HIPK2: variants seen among roughly 807,000 people sequenced by gnomAD.
The protein encoded by HIPK2 is homeodomain interacting protein kinase 2.
HIPK2 carries 27 observed loss-of-function variants against 113.7 expected under a neutral mutation model. The observed-to-expected ratio is 0.24, with a 90% CI of 0.17 to 0.33. HIPK2 has a LOEUF of 0.33. HIPK2 is among the 10% of genes least tolerant of loss of function. The probability of loss-of-function intolerance (pLI) is 1.00; values close to 1 mark genes in which losing one functional copy is unlikely to be tolerated. For synonymous variants in HIPK2, 631 were observed against 642.2 expected (o/e 0.98, Z 0.26); for missense variants, 1,257 against 1,588.0 (o/e 0.79, Z 3.54).
chr7:139,572,904 C>T lies in HIPK2; in HGVS notation c.*23G>A, dbSNP rs1798344180. On this transcript the variant is annotated 3_prime_UTR_variant, in exon 15 of 15. Coordinates refer to ENST00000406875, the MANE Select transcript of HIPK2 (RefSeq NM_022740.5). ...CCTCGGGCCATTCTCTCCCTCCCTC[C>T]CTCCCTCCCTCCCCTCCAGTGTTTA... 4 of 403,058 alleles carry T rather than the reference C, an allele frequency of 9.9e-6. No homozygotes were observed. Among genetic ancestry groups the T allele is most frequent in the South Asian group, 2.0e-5 (1 of 49,746 alleles). The allele number at this position is 403,058 out of a possible 1,614,324, so 25.0% of individuals were successfully genotyped here.
At chr7:139,711,439 GTTAGATTATTCTGAAAA>G (rs756242884) in intron 2 of HIPK2, among the ~76,000 whole-genome samples, 4 of 152,054 alleles carry the variant, frequency 2.6e-5, no homozygotes, top group Admixed American at 6.6e-5. Context: ...AAAAAAAAAG[GTTAGATTATTCTGAAAA>G]AGTGGATTAT....
At chr7:139,638,744 A>G (rs1252833240) in intron 2 of HIPK2, among the ~76,000 whole-genome samples, 1 of 136,542 alleles carries the variant, frequency 7.3e-6, no homozygotes, top group Admixed American at 8.3e-5. Context: ...TGCCAGCTCC[A>G]CCTCCCGGGT....
At chr7:139,595,142 T>C (rs1410413012) in intron 12 of HIPK2, among the ~76,000 whole-genome samples, 1 of 152,210 alleles carries the variant, frequency 6.6e-6, no homozygotes, top group Non-Finnish European at 1.5e-5. Context: ...GATTCCAATC[T>C]AGCTGATTGT....
intron 2 of HIPK2, among the ~76,000 whole-genome samples, chr7:139,662,950 G>T (rs1286822082): frequency 1.3e-5 from 2 of 152,128 alleles, no homozygotes; most frequent in Admixed American, 1.3e-4. Flanking sequence ...TTGCCCTGCT[G>T]TTCAGACATT....
chr7:139,690,569 G>T (rs190518022), intron 2 of HIPK2, among the ~76,000 whole-genome samples: 2 of 152,084 alleles, frequency 1.3e-5, no homozygotes, highest in African/African-American at 4.8e-5. Context: ...ACTTTGGGGT[G>T]GGGGGCCAAG....
chr7:139,748,953 A>T (rs1357134489), intron 1 of HIPK2, among the ~76,000 whole-genome samples: 1 of 152,206 alleles, frequency 6.6e-6, no homozygotes, highest in East Asian at 1.9e-4. Context: ...CTAACACCAC[A>T]TGAGGCTATT....
chr7:139,569,655 A>G lies in HIPK2; in HGVS notation c.*3272T>C, dbSNP rs1315503260. The G allele has an allele frequency of 6.6e-6, 1 of 151,946 alleles. No homozygotes were observed. The highest frequency in any genetic ancestry group is 1.5e-5 in the Non-Finnish European group (1 of 67,978). The allele number at this position is 151,946 out of a possible 1,614,324, so 9.4% of individuals were successfully genotyped here. A position where few individuals can be genotyped will look rare whatever the true frequency, so the allele number is the denominator to read the frequency against. ...AATCAAGGCTTTGATTCTTCTTTAA[A>G]CTTTTGTTCTGTGGTGGATCTTTCT... On this transcript the variant is annotated 3_prime_UTR_variant, in exon 15 of 15. Transcript: ENST00000406875.
At chr7:139,777,550 G>T in intron 1 of HIPK2, 55 bp downstream of exon 1, 1 of 865,356 alleles carries the variant, frequency 1.2e-6, no homozygotes, top group Non-Finnish European at 1.4e-6. Flanking sequence ...GAACAAAGCT[G>T]CGGGGGCCGC....
intron 2 of HIPK2, among the ~76,000 whole-genome samples, chr7:139,651,950 C>CT (rs1254941209): frequency 6.6e-6 from 1 of 152,218 alleles, no homozygotes; most frequent in Non-Finnish European, 1.5e-5. Context: ...GCTTTCTACT[C>CT]TAACAATTAT....
intron 2 of HIPK2, among the ~76,000 whole-genome samples, chr7:139,651,075 G>A (rs899731524): frequency 4.6e-5 from 7 of 152,248 alleles, no homozygotes; most frequent in Non-Finnish European, 1.0e-4. Context: ...TAAGAGGGGA[G>A]GGAGCACGCA....
intron 11 of HIPK2, 145 bp from the exon 12 acceptor site, chr7:139,597,143 T>G: frequency 1.2e-6 from 1 of 832,106 alleles, no homozygotes; most frequent in Non-Finnish European, 1.8e-6. Context: ...CATCTGTGAC[T>G]GGGAAAGGGA....
At chr7:139,580,377 T>A (rs1028098484) in intron 13 of HIPK2, among the ~76,000 whole-genome samples, 1 of 152,086 alleles carries the variant, frequency 6.6e-6, no homozygotes, top group South Asian at 2.1e-4. Context: ...CTTGCCAAGC[T>A]CTCAGAGGAC....
At chr7:139,668,165 T>A (rs1385120321) in intron 2 of HIPK2, among the ~76,000 whole-genome samples, 1 of 150,236 alleles carries the variant, frequency 6.7e-6, no homozygotes, top group Non-Finnish European at 1.5e-5. Flanking sequence ...AGCAGTTACC[T>A]GCATATGATA....
At chr7:139,682,004 C>T (rs1470413605) in intron 2 of HIPK2, among the ~76,000 whole-genome samples, 1 of 152,184 alleles carries the variant, frequency 6.6e-6, no homozygotes, top group Admixed American at 6.5e-5. Context: ...GCTGACACTC[C>T]TGTTACTCGT....
chr7:139,653,740 G>GTTT (rs935880669), intron 2 of HIPK2, among the ~76,000 whole-genome samples: 1 of 147,890 alleles, frequency 6.8e-6, no homozygotes, highest in Non-Finnish European at 1.5e-5. Flanking sequence ...GACTGTTGTT[G>GTTT]TTTTTTTTTT....
At position 139,688,317 on chromosome 7, in the gene HIPK2, C is replaced by G. The variant is rs141253813; in HGVS notation, c.1103+27615G>C. 2.0e-5 allele frequency among the ~76,000 whole-genome samples: 3 copies of G among 152,370 alleles called. No homozygotes were observed. The East Asian group carries it at 5.8e-4, about 29-fold the overall frequency. On this transcript the variant is annotated intron_variant, in intron 2 of 14. Coordinates refer to ENST00000406875, the MANE Select transcript of HIPK2 (RefSeq NM_022740.5). ...TCTGGCAGTCTCCTCCACTTTTCCACTTTTTCCTTTTCAAACTCCTCTCCT... is the reference window on the plus strand; with the variant it reads ...TCTGGCAGTCTCCTCCACTTTTCCAGTTTTTCCTTTTCAAACTCCTCTCCT...
chr7:139,687,417 A>C (rs1490864795), intron 2 of HIPK2, among the ~76,000 whole-genome samples: 1 of 152,234 alleles, frequency 6.6e-6, no homozygotes, highest in East Asian at 1.9e-4. Context: ...CACTTTATTG[A>C]GGTGGTCTGA....
intron 2 of HIPK2, among the ~76,000 whole-genome samples, chr7:139,645,848 C>T (rs112926946): frequency 0.016 from 2,406 of 152,262 alleles, 74 homozygotes; most frequent in African/African-American, 0.055. Context: ...TGCTGTGGTC[C>T]GGACAAGAGC....
chr7:139,720,163 C>CT (rs757891942), intron 1 of HIPK2, among the ~76,000 whole-genome samples: 1 of 152,222 alleles, frequency 6.6e-6, no homozygotes, highest in Non-Finnish European at 1.5e-5. Context: ...CTTTACCTGG[C>CT]ATGCCTTTGC....
Sources: allele counts gnomAD v4.1 joint callset (sites outside exome capture counted in the v4.1 genomes callset), GRCh38; gene constraint gnomAD v4.1.1; transcripts MANE v1.5; gene names NCBI Gene and HGNC (gene_info 2026-07-23, HGNC 2026-07-21).